The following SEC24C variants were observed in gnomAD, a reference collection of about 807,000 sequenced individuals.
SEC24C encodes the protein protein transport protein Sec24C.
SEC24C carries 22 observed loss-of-function variants against 117.0 expected under a neutral mutation model. The ratio of observed to expected loss-of-function variants is 0.19; its 90% CI spans 0.13 to 0.27. SEC24C has a LOEUF of 0.27. Among genes scored for constraint, SEC24C ranks in the 10% least tolerant of loss-of-function variants. The pLI is 1.00. For missense variants in SEC24C, 1,155 were observed against 1,375.1 expected, an observed-to-expected ratio of 0.84 and a Z score of 2.53; for synonymous variants, 506 against 529.4, an observed-to-expected ratio of 0.96 and a Z score of 0.61.
chr10:73,765,539 T>A lies in SEC24C; in HGVS notation c.1316T>A (p.Ile439Asn). 1 of 1,614,060 alleles carries A rather than the reference T, an allele frequency of 6.2e-7. No homozygotes were observed. Among genetic ancestry groups the A allele is most frequent in the Non-Finnish European group, 8.5e-7 (1 of 1,179,890 alleles). ...TACATGTGTCCCTTCATGCAGTTCA[T>A]TGAAGGAGGGAGGCGTTTCCAGTGC... is the stretch of plus-strand genomic sequence containing the variant. ...KAYMCPFMQF[I>N]EGGRRFQCCF... Residue 439 changes from isoleucine to asparagine, a missense_variant, in exon 9 of 23, where the codon ATT (isoleucine) becomes AAT (asparagine). This residue lies in a region of SEC24C where 759 missense variants were observed against 992.3 expected (regional missense o/e 0.76). Coordinates refer to ENST00000345254, the MANE Select transcript of SEC24C (RefSeq NM_198597.3).
intron 3 of SEC24C, among the ~76,000 whole-genome samples, chr10:73,756,345 C>T (rs571619970): frequency 3.1e-4 from 47 of 152,170 alleles, no homozygotes; most frequent in African/African-American, 1.1e-3. Flanking sequence ...TGGGCTGCAC[C>T]TTCATTGAAC....
intron 3 of SEC24C, among the ~76,000 whole-genome samples, chr10:73,757,242 C>G (rs1287941973): frequency 1.4e-5 from 2 of 140,978 alleles, no homozygotes; most frequent in African/African-American, 5.2e-5. Flanking sequence ...AATTAGAGGC[C>G]AGGTGCAGTG....
Position 73,772,138 on chromosome 10 carries a change from G to T in SEC24C, c.*1043G>T, listed in dbSNP as rs2082994971. On this transcript the variant is annotated 3_prime_UTR_variant, in exon 23 of 23. Coordinates refer to ENST00000345254, the MANE Select transcript of SEC24C (RefSeq NM_198597.3). ...TTTCAATGCATCTTTAATTTGTAAA[G>T]AAATAAAATAAATTAAGATGTAACC... 3 of 424,722 alleles carry T rather than the reference G, an allele frequency of 7.1e-6. No homozygotes were observed. The highest frequency in any genetic ancestry group is 7.7e-5 in the South Asian group (1 of 12,980). The allele number at this position is 424,722 out of a possible 1,614,324, so 26.3% of individuals were successfully genotyped here. A position where few individuals can be genotyped will look rare whatever the true frequency, so the allele number is the denominator to read the frequency against.
At position 73,746,839 on chromosome 10, in the gene SEC24C, G is replaced by C. The variant is rs112791997; in HGVS notation, c.7G>C (p.Val3Leu). The change falls in exon 2 of 23, where the codon GTC becomes CTC. Residue 3 changes from valine (V) to leucine (L), a missense_variant. Transcript: ENST00000345254. ...AATTGGGAATGCTTTCATAATGAAC[G>C]TCAACCAGTCAGTTCCACCTGTGCC... MN[V>L]NQSVPPVPPF... 943 of 1,605,104 alleles carry C rather than the reference G, an allele frequency of 5.9e-4. No individual in the cohort carries two copies. The highest frequency in any genetic ancestry group is 7.4e-4 in the Non-Finnish European group (867 of 1,175,262).
At position 73,759,321 on chromosome 10, in the gene SEC24C, G is replaced by A. The variant is rs577504034; in HGVS notation, c.309-301G>A. Among the ~76,000 whole-genome samples, 25 of 152,356 alleles carry A rather than the reference G, an allele frequency of 1.6e-4. No individual in the cohort carries two copies. In the South Asian group the frequency reaches 3.9e-3, roughly 24 times the overall value. ...GGGCTTCAGATTACAAAACTGAAGA[G>A]GTTTGTCAAAGAATTGAAGCAGAGG... On this transcript the variant is annotated intron_variant, in intron 3 of 22. Transcript: ENST00000345254.
At chr10:73,770,078 A>G (rs1291992245) in intron 20 of SEC24C, 63 bp downstream of exon 20, 11 of 1,478,004 alleles carry the variant, frequency 7.4e-6, no homozygotes, top group Middle Eastern at 1.7e-4. Context: ...GGAGGAGGAA[A>G]GGATAGGCTA....
In SEC24C at chr10:73,769,159, G is replaced by A. The variant is rs2082932713; in HGVS notation, c.2424+7G>A. The A allele has an allele frequency of 1.2e-6, 2 of 1,613,988 alleles. No individual in the cohort carries two copies. Among genetic ancestry groups the A allele is most frequent in the South Asian group, 2.2e-5 (2 of 91,050 alleles). ...GAGCGGAGCTCTCCTGCAGGTGGCA[G>A]GCGGGAGGCGGGGCTGGGCAGGAAG... On this transcript the variant is annotated splice_region_variant and intron_variant, in intron 17 of 22. Transcript: ENST00000345254. The surrounding 1 kb of genome is among the most constrained non-coding windows in gnomAD (Gnocchi z 4.5).
Position 73,771,005 on chromosome 10 carries a change from C to T in SEC24C, c.3195C>T (p.Phe1065=). Residue 1065 remains phenylalanine, a synonymous_variant, in exon 23 of 23, where the codon TTC becomes TTT. Transcript: ENST00000345254. Reference sequence around the variant, plus strand: ...AGATGGAGATGCTGTTCAAGCACTTCCTGGTGGAAGACAAGAGTCTGAGTG... The same window carrying T: ...AGATGGAGATGCTGTTCAAGCACTTTCTGGTGGAAGACAAGAGTCTGAGTG... ...EDKMEMLFKH[F]LVEDKSLSGG... is the part of the protein sequence containing the mutation. 6.2e-7 allele frequency: 1 copy of T among 1,614,194 alleles called. No homozygotes were observed. The highest frequency in any genetic ancestry group is 1.3e-5 in the African/African-American group (1 of 75,030).
In SEC24C at chr10:73,766,607, G is replaced by A. The variant is rs1298922565; in HGVS notation, c.1799+66G>A. The A allele has an allele frequency of 2.0e-6, 3 of 1,529,480 alleles. No individual in the cohort carries two copies. The African/African-American group carries it at 4.1e-5, about 21-fold the overall frequency. 94.7% of individuals were successfully genotyped at this position (1,529,480 alleles called of 1,614,324 possible). A position where few individuals can be genotyped will look rare whatever the true frequency, so the allele number is the denominator to read the frequency against. ...GGGTACCACCATAGAAGGTCATGGA[G>A]TTGAACAGAGGTATTGGACAGTAGA... On this transcript the variant is annotated intron_variant, in intron 12 of 22. Coordinates refer to ENST00000345254, the MANE Select transcript of SEC24C (RefSeq NM_198597.3).
chr10:73,746,416 G>A (rs2082554488), intron 1 of SEC24C, among the ~76,000 whole-genome samples: 1 of 152,214 alleles, frequency 6.6e-6, no homozygotes, highest in Non-Finnish European at 1.5e-5. Flanking sequence ...GGATGCTAGA[G>A]TGAATGAATG....
chr10:73,769,985 T>C lies in SEC24C; in HGVS notation c.2832T>C (p.Asn944=), dbSNP rs1435845474. The change falls in exon 20 of 23, where the codon AAT becomes AAC. Residue 944 remains asparagine, a synonymous_variant. Coordinates refer to ENST00000345254, the MANE Select transcript of SEC24C (RefSeq NM_198597.3). This position sits in a 1 kb window ranked among gnomAD's most constrained non-coding sequence, Gnocchi z 4.5. ...CCTCCATGGATGTGACTGAGACCAA[T>C]GTCTTCTTCTACCCTCGGCTCTTAC... is the stretch of plus-strand genomic sequence containing the variant. ...LVTSMDVTET[N]VFFYPRLLPL... is the part of the protein sequence containing the mutation. 7 of 1,614,166 alleles carry C rather than the reference T, an allele frequency of 4.3e-6. No homozygotes were observed. Among genetic ancestry groups the C allele is most frequent in the Admixed American group, 1.7e-5 (1 of 60,028 alleles).
rs778740663 is a variant in SEC24C at position 73,770,263 on chromosome 10, CCCTT to C, written c.2863-12_2863-9del. ...TTATGGTCCTTGGTAACCTTTTGCT[CCCTT>C]CCTTTTGTCTAGACAAAGTCTCCCG... On this transcript the variant is annotated splice_polypyrimidine_tract_variant and intron_variant, in intron 20 of 22. Transcript: ENST00000345254. 16 of 1,584,300 alleles carry C rather than the reference CCCTT, an allele frequency of 1.0e-5. No individual in the cohort carries two copies. The highest frequency in any genetic ancestry group is 1.3e-5 in the Non-Finnish European group (15 of 1,165,062).
chr10:73,770,299 G>A lies in SEC24C; in HGVS notation c.2882G>A (p.Ser961Asn). The A allele has an allele frequency of 1.2e-6, 2 of 1,611,206 alleles. No homozygotes were observed. Among genetic ancestry groups the A allele is most frequent in the African/African-American group, 1.3e-5 (1 of 74,770 alleles). ...LLPLTKSPVE[S>N]TTEPPAVRAS... ...GTCTAGACAAAGTCTCCCGTTGAGAGTACTACCGAACCACCAGCAGTTCGA... is the reference window on the plus strand; with the variant it reads ...GTCTAGACAAAGTCTCCCGTTGAGAATACTACCGAACCACCAGCAGTTCGA... The change falls in exon 21 of 23, where the codon AGT becomes AAT. Residue 961 changes from serine (S) to asparagine (N), a missense_variant. Physicochemically the swap from Ser to Asn is conservative, Grantham distance 46. This residue lies in a region of SEC24C where 759 missense variants were observed against 992.3 expected (regional missense o/e 0.76). Coordinates refer to ENST00000345254, the MANE Select transcript of SEC24C (RefSeq NM_198597.3).
intron 1 of SEC24C, among the ~76,000 whole-genome samples, chr10:73,746,158 CAAAAAAA>C (rs71021568): frequency 1.1e-5 from 1 of 93,060 alleles, no homozygotes; most frequent in South Asian, 4.0e-4. Flanking sequence ...GACTCCGTCT[CAAAAAAA>C]AAAAAAAAAA....
At chr10:73,749,253 T>G (rs909126771) in intron 2 of SEC24C, among the ~76,000 whole-genome samples, 1 of 152,198 alleles carries the variant, frequency 6.6e-6, no homozygotes, top group African/African-American at 2.4e-5. Flanking sequence ...TGACTTGTAG[T>G]CTCCTTGAAA....
At chr10:73,745,387 G>C (rs886408353) in intron 1 of SEC24C, among the ~76,000 whole-genome samples, 1 of 151,512 alleles carries the variant, frequency 6.6e-6, no homozygotes, top group African/African-American at 2.4e-5. Flanking sequence ...AATATTCATA[G>C]TCTTCTGCTT....
At chr10:73,765,415 T>G in intron 8 of SEC24C, 36 bp from the exon 9 acceptor site, 1 of 1,591,108 alleles carries the variant, frequency 6.3e-7, no homozygotes, top group Non-Finnish European at 8.6e-7. Context: ...ACTGTGGTTT[T>G]CCTTTATGTC....
At chr10:73,751,039 T>G in intron 2 of SEC24C, 69 bp from the exon 3 acceptor site, 1 of 1,546,560 alleles carries the variant, frequency 6.5e-7, no homozygotes, top group Non-Finnish European at 8.8e-7. Flanking sequence ...ATCCTTGCTT[T>G]GCATTCCTGG....
intron 3 of SEC24C, among the ~76,000 whole-genome samples, chr10:73,754,832 G>A (rs939716399): frequency 6.6e-6 from 1 of 152,072 alleles, no homozygotes; most frequent in Non-Finnish European, 1.5e-5. Flanking sequence ...AAGAGGAGCC[G>A]CCATTAAAAG....
Sources: gnomAD v4.1 joint callset for allele counts (sites outside exome capture counted in the v4.1 genomes callset) on GRCh38, gnomAD v4.1.1 for gene constraint, gnomAD v4.1.1 regional missense constraint, Gnocchi (gnomAD v3.1) non-coding constraint, MANE v1.5 for transcripts, NCBI Gene and HGNC (gene_info 2026-07-23, HGNC 2026-07-21) for gene names.